The following PGM5 variants were observed in gnomAD, a reference collection of about 807,000 sequenced individuals.
PGM5 encodes the protein phosphoglucomutase 5.
Under a neutral mutation model 59.2 loss-of-function variants are expected in PGM5, and 23 were observed. That is an observed-to-expected ratio of 0.39 (90% CI 0.28 to 0.55). The LOEUF (loss-of-function observed/expected upper bound fraction) is 0.55. PGM5 is among the 20% of genes least tolerant of loss of function. PGM5 has a pLI of 0.66. For synonymous variants in PGM5, 214 were observed against 286.0 expected (o/e 0.75, Z 2.54); for missense variants, 574 against 748.3 (o/e 0.77, Z 2.72).
At chr9:68,468,972 T>C (rs1174956801) in intron 7 of PGM5, among the ~76,000 whole-genome samples, 1 of 152,218 alleles carries the variant, frequency 6.6e-6, no homozygotes, top group Non-Finnish European at 1.5e-5. Flanking sequence ...GGCTGGAGTG[T>C]AGTGGCACTA....
chr9:68,502,388 A>C (rs575307186), intron 10 of PGM5, among the ~76,000 whole-genome samples: 17 of 152,326 alleles, frequency 1.1e-4, no homozygotes, highest in African/African-American at 4.1e-4. Context: ...TTTCTTTCCC[A>C]TCCAATTTAT....
At chr9:68,491,852 G>A (rs781824516) in intron 9 of PGM5, among the ~76,000 whole-genome samples, 5 of 152,146 alleles carry the variant, frequency 3.3e-5, no homozygotes, top group Non-Finnish European at 7.4e-5. Flanking sequence ...TTAAAAAAGC[G>A]AGAAAGAAAA....
At chr9:68,381,077 A>G (rs1554678269) in intron 2 of PGM5, among the ~76,000 whole-genome samples, 1 of 151,930 alleles carries the variant, frequency 6.6e-6, no homozygotes, top group African/African-American at 2.4e-5. Context: ...TTCCAAACAC[A>G]TTTTGTTAGG....
intron 6 of PGM5, among the ~76,000 whole-genome samples, chr9:68,410,684 A>T (rs1367229345): frequency 6.6e-6 from 1 of 152,192 alleles, no homozygotes; most frequent in Non-Finnish European, 1.5e-5. Context: ...AAGTAAATTG[A>T]TGCTCAGAGT....
At chr9:68,469,114 C>T (rs1366714274) in intron 7 of PGM5, among the ~76,000 whole-genome samples, 2 of 152,184 alleles carry the variant, frequency 1.3e-5, no homozygotes, top group African/African-American at 4.8e-5. Context: ...GACAGGATTT[C>T]ACCATATTGG....
chr9:68,381,158 T>C (rs1381796635), intron 2 of PGM5, among the ~76,000 whole-genome samples: 2 of 151,888 alleles, frequency 1.3e-5, no homozygotes, highest in Admixed American at 1.3e-4. Context: ...CCAATATCTC[T>C]GATAAATATT....
Position 68,401,913 on chromosome 9 carries a change from GTGTGTGTGTGTGTGTGTA to G in PGM5, c.1043+9442_1043+9459del, listed in dbSNP as rs1344631731. ...TATGTGTGTGTGTGTGTGTGTGTGT[GTGTGTGTGTGTGTGTGTA>G]TATATTTGTCAAGGCTCATGAAACT... On this transcript the variant is annotated intron_variant, in intron 6 of 10. Transcript: ENST00000396396. Among the ~76,000 whole-genome samples, 11 of 149,824 alleles carry G rather than the reference GTGTGTGTGTGTGTGTGTA, an allele frequency of 7.3e-5. No homozygotes were observed. The East Asian group carries it at 1.8e-3, about 25-fold the overall frequency.
At chr9:68,413,345 C>G (rs1822967390) in intron 6 of PGM5, among the ~76,000 whole-genome samples, 1 of 151,814 alleles carries the variant, frequency 6.6e-6, no homozygotes, top group Non-Finnish European at 1.5e-5. Context: ...GTGATGGTGA[C>G]TCTCAATGGA....
intron 10 of PGM5, among the ~76,000 whole-genome samples, chr9:68,505,610 A>T (rs1014710514): frequency 6.6e-6 from 1 of 152,198 alleles, no homozygotes; most frequent in Non-Finnish European, 1.5e-5. Context: ...AAAGGCTAGA[A>T]CCCAGAACCA....
intron 1 of PGM5, among the ~76,000 whole-genome samples, chr9:68,370,880 C>T (rs1431006053): frequency 6.6e-6 from 1 of 152,176 alleles, no homozygotes; most frequent in African/African-American, 2.4e-5. Context: ...TCTTGGTTTC[C>T]CCAAGCATTT....
Position 68,446,689 on chromosome 9 carries a change from G to C in PGM5, c.1044-18404G>C, listed in dbSNP as rs559836933. On this transcript the variant is annotated intron_variant, in intron 6 of 10. Coordinates refer to ENST00000396396, the MANE Select transcript of PGM5 (RefSeq NM_021965.4). ...ATTTTTCACTTTCTCTAATACTGGG[G>C]TGGAGAAGCTCTGCATATACTTTGG... Among the ~76,000 whole-genome samples, 9 of 152,322 alleles carry C rather than the reference G, an allele frequency of 5.9e-5. No homozygotes were observed. The East Asian group carries it at 1.3e-3, about 23-fold the overall frequency.
chr9:68,450,823 T>G (rs868981351), intron 6 of PGM5, among the ~76,000 whole-genome samples: 5 of 152,246 alleles, frequency 3.3e-5, no homozygotes, highest in African/African-American at 1.2e-4. Flanking sequence ...CATGTGTCTG[T>G]ATCTCATATT....
intron 8 of PGM5, 143 bp from the exon 9 acceptor site, chr9:68,483,722 A>G: frequency 1.5e-6 from 1 of 666,094 alleles, no homozygotes; most frequent in East Asian, 2.7e-5. Context: ...TGTAAGGGTC[A>G]GATGAAAGAG....
intron 6 of PGM5, among the ~76,000 whole-genome samples, chr9:68,454,341 G>T (rs1173033552): frequency 1.3e-5 from 2 of 152,140 alleles, no homozygotes; most frequent in African/African-American, 2.4e-5. Flanking sequence ...AACAGTTCCT[G>T]TATTAAACTC....
chr9:68,380,864 C>A (rs1373957413), intron 2 of PGM5, among the ~76,000 whole-genome samples: 3 of 151,772 alleles, frequency 2.0e-5, no homozygotes, highest in African/African-American at 7.2e-5. Context: ...GAAAAACTAA[C>A]CCAACAAGAT....
intron 6 of PGM5, among the ~76,000 whole-genome samples, chr9:68,430,943 C>A (rs1362659102): frequency 6.6e-6 from 1 of 152,116 alleles, no homozygotes; most frequent in Non-Finnish European, 1.5e-5. Flanking sequence ...CCTTAGCAAC[C>A]AATTTTGTGC....
intron 6 of PGM5, among the ~76,000 whole-genome samples, chr9:68,432,889 G>T (rs559133827): frequency 6.6e-6 from 1 of 152,146 alleles, no homozygotes; most frequent in South Asian, 2.1e-4. Context: ...TTAAAGGCAC[G>T]AGCCACTGCG....
chr9:68,416,366 G>C (rs1340485800), intron 6 of PGM5, among the ~76,000 whole-genome samples: 1 of 152,106 alleles, frequency 6.6e-6, no homozygotes, highest in African/African-American at 2.4e-5. Context: ...TTTTTCATGG[G>C]CCCCTAGCGT....
chr9:68,469,678 C>T (rs1390478385), intron 7 of PGM5, among the ~76,000 whole-genome samples: 1 of 152,156 alleles, frequency 6.6e-6, no homozygotes, highest in African/African-American at 2.4e-5. Flanking sequence ...TGTAAATGCC[C>T]TGAAGACAGG....
Sources: gnomAD v4.1 joint callset for allele counts (sites outside exome capture counted in the v4.1 genomes callset) on GRCh38, gnomAD v4.1.1 for gene constraint, MANE v1.5 for transcripts, NCBI Gene and HGNC (gene_info 2026-07-23, HGNC 2026-07-21) for gene names.